Variants in COMMD9 observed in about 807,000 individuals in gnomAD.
The protein encoded by COMMD9 is COMM domain containing 9, also known as COMM domain-containing protein 9.
COMMD9 carries 22 observed loss-of-function variants against 23.4 expected under a neutral mutation model. That is an observed-to-expected ratio of 0.94 (90% CI 0.67 to 1.34). The LOEUF (loss-of-function observed/expected upper bound fraction) is 1.34, where lower values mean the gene tolerates loss of function less well. COMMD9 is among the 40% of genes most tolerant of loss of function. COMMD9 has a pLI of 0.00. For synonymous variants in COMMD9, 99 were observed against 97.4 expected (o/e 1.02, Z -0.10); for missense variants, 231 against 240.2 (o/e 0.96, Z 0.25).
At chr11:36,278,659 C>T (rs1326053899) in intron 2 of COMMD9, 43 bp from the exon 3 acceptor site, 1 of 1,604,008 alleles carries the variant, frequency 6.2e-7, no homozygotes, top group African/African-American at 1.3e-5. Flanking sequence ...ACAGAAGCAG[C>T]AGGCAGGGGG....
Position 36,288,916 on chromosome 11 carries a change from G to A in COMMD9, c.51+446C>T, listed in dbSNP as rs539508995. ...TGTCCTGCCCCTTTCGCAGGTCAAA[G>A]AGAGTAGGGAAAATCTGGACCTCAA... is the stretch of plus-strand genomic sequence containing the variant. On this transcript the variant is annotated intron_variant, in intron 1 of 5. Transcript: ENST00000263401. Among the ~76,000 whole-genome samples, 6 of 152,294 alleles carry A rather than the reference G, an allele frequency of 3.9e-5. No homozygotes were observed. The South Asian group carries it at 6.2e-4, about 16-fold the overall frequency.
At chr11:36,274,919 G>C in intron 5 of COMMD9, 147 bp from the exon 6 acceptor site, 1 of 957,984 alleles carries the variant, frequency 1.0e-6, no homozygotes, top group Non-Finnish European at 1.5e-6. Context: ...ACCAGCCCTT[G>C]GGTCATTTAG....
chr11:36,283,169 G>T (rs1027703723), intron 1 of COMMD9, among the ~76,000 whole-genome samples: 13 of 152,234 alleles, frequency 8.5e-5, no homozygotes, highest in Middle Eastern at 3.4e-3. Context: ...CACATCAATT[G>T]TCTCTGGCAA....
At chr11:36,279,970 G>A (rs1188906267) in intron 2 of COMMD9, among the ~76,000 whole-genome samples, 3 of 152,116 alleles carry the variant, frequency 2.0e-5, no homozygotes, top group African/African-American at 7.2e-5. Flanking sequence ...GCCAGGCATC[G>A]TGGCATATGC....
At position 36,274,632 on chromosome 11, in the gene COMMD9, T is replaced by A. The variant is rs1855937852; in HGVS notation, c.597A>T (p.Ter199CysextTer10). ...RDQLSAVASK[*>C] ...GCAGTGGCCCTGGCAGCTGGCTGGATCATTTACTGGCCACGGCAGAGAGTT... is the reference window on the plus strand; with the variant it reads ...GCAGTGGCCCTGGCAGCTGGCTGGAACATTTACTGGCCACGGCAGAGAGTT... The change falls in exon 6 of 6, where the codon TGA becomes TGT. Residue 199 changes from the stop codon to cysteine, a stop_lost. Transcript: ENST00000263401. 20 of 1,614,196 alleles carry A rather than the reference T, an allele frequency of 1.2e-5. No homozygotes were observed. The highest frequency in any genetic ancestry group is 1.7e-5 in the Non-Finnish European group (20 of 1,180,042).
chr11:36,286,278 G>C (rs1856149473), intron 1 of COMMD9, among the ~76,000 whole-genome samples: 1 of 151,804 alleles, frequency 6.6e-6, no homozygotes, highest in African/African-American at 2.4e-5. Flanking sequence ...GGCTGGGCAT[G>C]GTGGCTCACA....
intron 1 of COMMD9, among the ~76,000 whole-genome samples, chr11:36,281,373 G>A (rs949152315): frequency 6.6e-6 from 1 of 152,198 alleles, no homozygotes; most frequent in Non-Finnish European, 1.5e-5. Context: ...CTGAGTGGGA[G>A]GCCTAGACCT....
intron 1 of COMMD9, among the ~76,000 whole-genome samples, chr11:36,281,311 G>C (rs979635676): frequency 6.6e-6 from 1 of 152,212 alleles, no homozygotes; most frequent in African/African-American, 2.4e-5. Flanking sequence ...CTACACTCCA[G>C]CCAAATATCA....
At chr11:36,285,304 CT>C (rs1425782319) in intron 1 of COMMD9, among the ~76,000 whole-genome samples, 1 of 152,002 alleles carries the variant, frequency 6.6e-6, no homozygotes, top group Non-Finnish European at 1.5e-5. Flanking sequence ...TTCCACTCCC[CT>C]AATATGAAAT....
rs113888242 is a variant in COMMD9, at chr11:36,279,243, G to A, written c.178-627C>T. Among the ~76,000 whole-genome samples the A allele has an allele frequency of 5.9e-3, 898 of 152,264 alleles. 20 individuals carry two copies. Among genetic ancestry groups the A allele is most frequent in the Non-Finnish European group, 5.6e-3 (380 of 68,002 alleles). On this transcript the variant is annotated intron_variant, in intron 2 of 5. Transcript: ENST00000263401. Reference sequence around the variant, plus strand: ...CAAAGAGAACAAACAGCTCCTGGCCGGCTGTGCGGGTTCCTCCTGGGAAGA... The same window carrying A: ...CAAAGAGAACAAACAGCTCCTGGCCAGCTGTGCGGGTTCCTCCTGGGAAGA...
At chr11:36,279,976 T>C (rs1856038235) in intron 2 of COMMD9, among the ~76,000 whole-genome samples, 1 of 152,180 alleles carries the variant, frequency 6.6e-6, no homozygotes, top group Middle Eastern at 3.4e-3. Flanking sequence ...CATCGTGGCA[T>C]ATGCTTGCAG....
At chr11:36,274,907 G>T in intron 5 of COMMD9, 135 bp from the exon 6 acceptor site, 1 of 1,053,004 alleles carries the variant, frequency 9.5e-7, no homozygotes, top group Non-Finnish European at 1.4e-6. Context: ...GCACTAGAGA[G>T]TACCAGCCCT....
chr11:36,279,342 G>A (rs1466778931), intron 2 of COMMD9, among the ~76,000 whole-genome samples: 1 of 152,236 alleles, frequency 6.6e-6, no homozygotes, highest in Non-Finnish European at 1.5e-5. Flanking sequence ...TAACTTTGAA[G>A]TGTAAGAGGG....
intron 2 of COMMD9, among the ~76,000 whole-genome samples, chr11:36,280,111 T>TA (rs955252939): frequency 1.8e-4 from 27 of 151,886 alleles, no homozygotes; most frequent in African/African-American, 5.3e-4. Context: ...GTCTCAAAAA[T>TA]AAAAAAAATC....
Position 36,278,557 on chromosome 11 carries a change from G to A in COMMD9, c.237C>T (p.Ala79=), listed in dbSNP as rs150086428. ...CTGGAAAGAGAGCCAGAATTGCCTC[G>A]GCAGAGGACAGGTCACGGAATGCCA... ...RLVAFRDLSS[A]EAILALFPEN... is the part of the protein sequence containing the mutation. The change falls in exon 3 of 6, where the codon GCC becomes GCT. Residue 79 remains alanine (A), a synonymous_variant. Coordinates refer to ENST00000263401, the MANE Select transcript of COMMD9 (RefSeq NM_014186.4). 3.0e-3 allele frequency: 4,825 copies of A among 1,614,072 alleles called. 9 individuals are homozygous for A. Among genetic ancestry groups the A allele is most frequent in the Non-Finnish European group, 3.7e-3 (4,372 of 1,179,930 alleles).
chr11:36,288,395 G>C (rs1258935866), intron 1 of COMMD9, among the ~76,000 whole-genome samples: 1 of 151,542 alleles, frequency 6.6e-6, no homozygotes, highest in Non-Finnish European at 1.5e-5. Context: ...GAAAGGAAAG[G>C]TCCCTGATGG....
chr11:36,288,891 T>C (rs1204235932), intron 1 of COMMD9, among the ~76,000 whole-genome samples: 2 of 152,334 alleles, frequency 1.3e-5, no homozygotes, highest in South Asian at 4.1e-4. Context: ...ATCAGGAGTA[T>C]GTCCTGCCCC....
At chr11:36,281,908 G>T (rs550126965) in intron 1 of COMMD9, among the ~76,000 whole-genome samples, 2 of 152,140 alleles carry the variant, frequency 1.3e-5, no homozygotes, top group East Asian at 3.9e-4. Flanking sequence ...TTATGAACTC[G>T]CTTGAAACAA....
chr11:36,276,683 G>A, intron 4 of COMMD9: 1 of 200,166 alleles, frequency 5.0e-6, no homozygotes. Flanking sequence ...CTAGCTCACA[G>A]GGCTGAAGGG....
Sources: gnomAD v4.1 joint callset for allele counts (sites outside exome capture counted in the v4.1 genomes callset) on GRCh38, gnomAD v4.1.1 for gene constraint, MANE v1.5 for transcripts, NCBI Gene and HGNC (gene_info 2026-07-23, HGNC 2026-07-21) for gene names.